ROBO2: variants seen among roughly 807,000 people sequenced by gnomAD.
ROBO2 encodes the protein roundabout guidance receptor 2.
A neutral mutation model predicts 160.8 loss-of-function variants in ROBO2; 53 were observed. The ratio of observed to expected loss-of-function variants is 0.33; its 90% CI spans 0.26 to 0.41. The LOEUF (loss-of-function observed/expected upper bound fraction) is 0.41, where lower values mean the gene tolerates loss of function less well. ROBO2 is among the 10% of genes least tolerant of loss of function. The pLI, the probability that ROBO2 is intolerant of heterozygous loss-of-function variation, is 1.00. For missense variants in ROBO2, 1,577 were observed against 1,722.4 expected (o/e 0.92, Z 1.49); for synonymous variants, 664 against 611.7 (o/e 1.09, Z -1.26).
At chr3:76,127,577 TTCTC>T (rs2071037399) in intron 2 of ROBO2, among the ~76,000 whole-genome samples, 2 of 143,476 alleles carry the variant, frequency 1.4e-5, no homozygotes, top group South Asian at 4.4e-4. Flanking sequence ...GCTGTGTGCT[TTCTC>T]TATATGGTTT....
At chr3:76,256,350 T>TACA (rs1559690071) in intron 2 of ROBO2, among the ~76,000 whole-genome samples, 3 of 60,206 alleles carry the variant, frequency 5.0e-5, no homozygotes, top group South Asian at 7.2e-4. Flanking sequence ...TCTCTCTCTC[T>TACA]CTCACATACA....
chr3:76,726,808 A>G (rs1304305988), intron 2 of ROBO2, among the ~76,000 whole-genome samples: 3 of 152,200 alleles, frequency 2.0e-5, no homozygotes, highest in Non-Finnish European at 4.4e-5. Flanking sequence ...TGAAGGAATG[A>G]AGGAATGAAT....
chr3:75,977,756 AGT>A (rs1403723744), intron 2 of ROBO2, among the ~76,000 whole-genome samples: 3 of 151,570 alleles, frequency 2.0e-5, no homozygotes, highest in African/African-American at 7.3e-5. Context: ...GAAAAGGTAG[AGT>A]GACAAAGATA....
chr3:77,343,065 AGAGAG>A (rs2067238411), intron 2 of ROBO2, among the ~76,000 whole-genome samples: 1 of 91,862 alleles, frequency 1.1e-5, no homozygotes, highest in African/African-American at 3.1e-5. Flanking sequence ...ATGGAGAGAG[AGAGAG>A]AGAGAGAGAG....
At chr3:77,221,664 A>G (rs556123947) in intron 2 of ROBO2, among the ~76,000 whole-genome samples, 1 of 152,110 alleles carries the variant, frequency 6.6e-6, no homozygotes, top group Non-Finnish European at 1.5e-5. Context: ...TCAAGTGCCC[A>G]TCCATTCACC....
chr3:76,295,283 G>T (rs1406958473), intron 2 of ROBO2, among the ~76,000 whole-genome samples: 2 of 152,074 alleles, frequency 1.3e-5, no homozygotes, highest in African/African-American at 4.8e-5. Flanking sequence ...TCAAGCAGTT[G>T]TTACTGGAGG....
intron 20 of ROBO2, chr3:77,603,131 G>T: frequency 2.2e-6 from 1 of 453,072 alleles, no homozygotes; most frequent in Non-Finnish European, 4.5e-6. Context: ...TAACAACCAT[G>T]AAGATATACT....
chr3:77,016,732 C>T (rs775061027), intron 2 of ROBO2, among the ~76,000 whole-genome samples: 2 of 152,188 alleles, frequency 1.3e-5, no homozygotes, highest in African/African-American at 4.8e-5. Context: ...CCCGAGGCCA[C>T]ACCGCCAGGA....
intron 2 of ROBO2, among the ~76,000 whole-genome samples, chr3:76,513,013 A>G (rs1189324618): frequency 6.6e-6 from 1 of 152,152 alleles, no homozygotes; most frequent in Non-Finnish European, 1.5e-5. Context: ...TACATAACAC[A>G]GTTTAATTTA....
intron 2 of ROBO2, among the ~76,000 whole-genome samples, chr3:77,381,492 G>A (rs964469554): frequency 6.6e-6 from 1 of 152,140 alleles, no homozygotes; most frequent in Non-Finnish European, 1.5e-5. Flanking sequence ...TTTTAACAGA[G>A]AAAATGTGCA....
chr3:76,203,780 G>A (rs79713041), intron 2 of ROBO2, among the ~76,000 whole-genome samples: 6,194 of 147,910 alleles, frequency 0.042, 357 homozygotes, highest in East Asian at 0.23. Flanking sequence ...GCGGCTTCCC[G>A]GTCAACAGAT....
chr3:75,938,274 G>A (rs963770141), intron 2 of ROBO2, among the ~76,000 whole-genome samples: 1 of 151,916 alleles, frequency 6.6e-6, no homozygotes, highest in African/African-American at 2.4e-5. Context: ...GGAGTGGTTT[G>A]TGCCAAATCT....
intron 1 of ROBO2, among the ~76,000 whole-genome samples, chr3:77,063,511 C>G (rs2066529280): frequency 6.6e-6 from 1 of 152,154 alleles, no homozygotes; most frequent in Non-Finnish European, 1.5e-5. Flanking sequence ...TTTGACAGAT[C>G]TCCTGACCTC....
chr3:77,589,358 G>C (rs1394152044), intron 17 of ROBO2, among the ~76,000 whole-genome samples: 2 of 152,048 alleles, frequency 1.3e-5, no homozygotes, highest in Non-Finnish European at 2.9e-5. Flanking sequence ...CTTTTAGTGT[G>C]TCAGGATGCA....
chr3:77,401,499 A>G (rs2075795934), intron 2 of ROBO2, among the ~76,000 whole-genome samples: 2 of 152,146 alleles, frequency 1.3e-5, no homozygotes, highest in Admixed American at 6.6e-5. Flanking sequence ...TTTGAAGACT[A>G]TCCTACCTCT....
chr3:75,963,524 T>C (rs1489630026), intron 2 of ROBO2, among the ~76,000 whole-genome samples: 1 of 151,816 alleles, frequency 6.6e-6, no homozygotes, highest in Non-Finnish European at 1.5e-5. Context: ...ATTATAATAC[T>C]TGATAACATA....
chr3:77,613,752 G>A (rs1221144582), intron 21 of ROBO2, among the ~76,000 whole-genome samples: 1 of 152,124 alleles, frequency 6.6e-6, no homozygotes, highest in Non-Finnish European at 1.5e-5. Context: ...TAACTATAAT[G>A]CACTTGAGGA....
chr3:77,418,133 C>T (rs1424761947), intron 2 of ROBO2, among the ~76,000 whole-genome samples: 1 of 148,216 alleles, frequency 6.7e-6, no homozygotes, highest in Admixed American at 6.7e-5. Context: ...AAGTAACATC[C>T]TTATATTTTT....
intron 2 of ROBO2, among the ~76,000 whole-genome samples, chr3:76,219,057 T>C (rs573878937): frequency 2.0e-5 from 3 of 152,236 alleles, no homozygotes; most frequent in African/African-American, 4.8e-5. Context: ...AAACAAGCAA[T>C]GGGGAAAGGA....
Sources: allele counts gnomAD v4.1 joint callset (sites outside exome capture counted in the v4.1 genomes callset), GRCh38; gene constraint gnomAD v4.1.1; transcripts MANE v1.5; gene names NCBI Gene and HGNC (gene_info 2026-07-23, HGNC 2026-07-21).